TRPM3: variants seen among roughly 807,000 people sequenced by gnomAD.
The protein encoded by TRPM3 is long transient receptor potential channel 3.
TRPM3 carries 77 observed loss-of-function variants against 181.2 expected under a neutral mutation model. That is an observed-to-expected ratio of 0.42 (90% CI 0.35 to 0.51). The LOEUF is 0.51. Among genes scored for constraint, TRPM3 ranks in the 20% least tolerant of loss-of-function variants. The pLI is 0.01. For missense variants in TRPM3, 1,759 were observed against 2,196.7 expected (o/e 0.80, Z 3.98); for synonymous variants, 745 against 796.4 (o/e 0.94, Z 1.09).
chr9:70,659,312 G>A (rs891080098), intron 9 of TRPM3, among the ~76,000 whole-genome samples: 2 of 152,048 alleles, frequency 1.3e-5, no homozygotes, highest in African/African-American at 4.8e-5. Context: ...CCGGTGGTAA[G>A]TAAAGAATCT....
At chr9:70,643,818 G>A (rs973024338) in intron 9 of TRPM3, among the ~76,000 whole-genome samples, 1 of 152,210 alleles carries the variant, frequency 6.6e-6, no homozygotes, top group Non-Finnish European at 1.5e-5. Context: ...GTTCCCCAAT[G>A]ATTCTAATGT....
chr9:70,984,930 C>G (rs1345390697), intron 1 of TRPM3, among the ~76,000 whole-genome samples: 1 of 152,206 alleles, frequency 6.6e-6, no homozygotes, highest in African/African-American at 2.4e-5. Flanking sequence ...TGAGGTCATT[C>G]AGAGTTTCCT....
At chr9:70,923,349 A>T (rs1193927011) in intron 1 of TRPM3, among the ~76,000 whole-genome samples, 1 of 152,152 alleles carries the variant, frequency 6.6e-6, no homozygotes, top group East Asian at 1.9e-4. Context: ...GGGAGGATAT[A>T]TAGAGAGGAT....
intron 1 of TRPM3, among the ~76,000 whole-genome samples, chr9:71,317,680 C>G (rs28633585): frequency 7.2e-5 from 1 of 13,890 alleles, no homozygotes; most frequent in Non-Finnish European, 4.4e-4. Flanking sequence ...TATATATATA[C>G]ACACACACAC....
At chr9:70,931,187 T>G (rs1414893053) in intron 1 of TRPM3, among the ~76,000 whole-genome samples, 1 of 152,110 alleles carries the variant, frequency 6.6e-6, no homozygotes, top group Non-Finnish European at 1.5e-5. Flanking sequence ...TAATGGTAAT[T>G]ATCCTTATAG....
chr9:70,936,290 A>G (rs2096827793), intron 1 of TRPM3, among the ~76,000 whole-genome samples: 1 of 152,206 alleles, frequency 6.6e-6, no homozygotes, highest in Non-Finnish European at 1.5e-5. Flanking sequence ...AAGGATTTTT[A>G]AAACAAAACA....
Position 70,616,031 on chromosome 9 carries a change from C to G in TRPM3, c.2403G>C (p.Glu801Asp), listed in dbSNP as rs2062725569. 6.2e-7 allele frequency: 1 copy of G among 1,610,610 alleles called. No individual in the cohort carries two copies. Among genetic ancestry groups the G allele is most frequent in the Non-Finnish European group, 8.5e-7 (1 of 1,178,586 alleles). Residue 801 changes from glutamate to aspartate, a missense_variant, in exon 18 of 26, where the codon GAG becomes GAC. Coordinates refer to ENST00000677713, the MANE Select transcript of TRPM3 (RefSeq NM_001366145.2). Reference sequence around the variant, plus strand: ...AGGGCATGTCGTCTTTGTTCTTGAACTCCAAGCTGAGAATTGAAGGAGGAA... The same window carrying G: ...AGGGCATGTCGTCTTTGTTCTTGAAGTCCAAGCTGAGAATTGAAGGAGGAA... ...ILLPPSILSL[E>D]FKNKDDMPYM...
At chr9:71,425,661 C>G (rs984749268) in intron 1 of TRPM3, among the ~76,000 whole-genome samples, 1 of 152,152 alleles carries the variant, frequency 6.6e-6, no homozygotes, top group African/African-American at 2.4e-5. Flanking sequence ...CTCTTCCCCT[C>G]ACAACGCATT....
At chr9:71,286,276 T>A (rs2085272355) in intron 1 of TRPM3, among the ~76,000 whole-genome samples, 1 of 152,196 alleles carries the variant, frequency 6.6e-6, no homozygotes, top group African/African-American at 2.4e-5. Flanking sequence ...TAGACAATAG[T>A]AATTCAAATT....
chr9:70,861,313 G>C (rs768984867), intron 3 of TRPM3, among the ~76,000 whole-genome samples: 3 of 152,122 alleles, frequency 2.0e-5, no homozygotes, highest in Non-Finnish European at 4.4e-5. Context: ...GACAATGGCA[G>C]CATCATGGTC....
chr9:71,417,968 TA>T (rs996907539), intron 1 of TRPM3, among the ~76,000 whole-genome samples: 25 of 152,080 alleles, frequency 1.6e-4, no homozygotes, highest in Middle Eastern at 3.4e-3. Flanking sequence ...CTAAAAAGAC[TA>T]AAAACCTTTC....
chr9:70,643,419 G>A (rs2058366172), intron 9 of TRPM3, among the ~76,000 whole-genome samples: 1 of 152,158 alleles, frequency 6.6e-6, no homozygotes, highest in Non-Finnish European at 1.5e-5. Context: ...GGAACACATA[G>A]CAGGAAGCAG....
chr9:70,579,227 C>A (rs1302540463), intron 22 of TRPM3: 1 of 152,212 alleles, frequency 6.6e-6, no homozygotes, highest in South Asian at 2.1e-4. Context: ...CGTGATCCCA[C>A]GACCCATCAG....
intron 22 of TRPM3, among the ~76,000 whole-genome samples, chr9:70,583,908 A>G (rs1422526138): frequency 6.6e-6 from 1 of 151,902 alleles, no homozygotes; most frequent in East Asian, 1.9e-4. Context: ...CCAGCCACCC[A>G]CCTTCCCCTG....
intron 1 of TRPM3, among the ~76,000 whole-genome samples, chr9:70,889,761 G>A (rs1402532389): frequency 1.3e-5 from 2 of 151,888 alleles, no homozygotes; most frequent in Non-Finnish European, 2.9e-5. Flanking sequence ...TTAAGTAATA[G>A]CCAAGGGTCA....
At chr9:71,205,798 T>C (rs1487053554) in intron 1 of TRPM3, among the ~76,000 whole-genome samples, 4 of 152,222 alleles carry the variant, frequency 2.6e-5, no homozygotes, top group Non-Finnish European at 5.9e-5. Context: ...GGCCTGAGAC[T>C]GTCATCAGAA....
intron 18 of TRPM3, among the ~76,000 whole-genome samples, chr9:70,613,993 T>C (rs2062371811): frequency 6.6e-6 from 1 of 152,124 alleles, no homozygotes; most frequent in Admixed American, 6.5e-5. Flanking sequence ...TTCATCACTT[T>C]TGGATTCTTT....
chr9:70,579,745 C>T (rs1355149232), intron 22 of TRPM3, among the ~76,000 whole-genome samples: 3 of 152,292 alleles, frequency 2.0e-5, no homozygotes, highest in South Asian at 2.1e-4. Context: ...CTGCAGGCAG[C>T]GTAGAAGACA....
intron 1 of TRPM3, among the ~76,000 whole-genome samples, chr9:71,416,684 C>A (rs951148793): frequency 6.6e-6 from 1 of 151,854 alleles, no homozygotes; most frequent in Admixed American, 6.6e-5. Context: ...ACACTATTCA[C>A]CTAAATTTAT....
Sources: allele counts gnomAD v4.1 joint callset (sites outside exome capture counted in the v4.1 genomes callset), GRCh38; gene constraint gnomAD v4.1.1; transcripts MANE v1.5; gene names NCBI Gene and HGNC (gene_info 2026-07-23, HGNC 2026-07-21).